CPB2: variants seen among roughly 807,000 people sequenced by gnomAD.
CPB2 encodes the protein carboxypeptidase B-like protein.
Under a neutral mutation model 57.0 loss-of-function variants are expected in CPB2, and 54 were observed. The observed-to-expected ratio is 0.95, with a 90% CI of 0.76 to 1.19. The LOEUF is 1.19. Among genes scored for constraint, CPB2 ranks in the 50% most tolerant of loss-of-function variants. The probability of loss-of-function intolerance (pLI) is 0.00; values close to 1 mark genes in which losing one functional copy is unlikely to be tolerated. For missense variants in CPB2, 426 were observed against 512.0 expected (o/e 0.83, Z 1.62); for synonymous variants, 189 against 178.1 (o/e 1.06, Z -0.49).
At position 46,053,689 on chromosome 13, in the gene CPB2, A is replaced by G. The variant is rs2044622771; in HGVS notation, c.1197T>C (p.Arg399=). The G allele has an allele frequency of 6.2e-7, 1 of 1,614,102 alleles. No individual in the cohort carries two copies. Among genetic ancestry groups the G allele is most frequent in the Non-Finnish European group, 8.5e-7 (1 of 1,180,048 alleles). The change falls in exon 11 of 11, where the codon CGT becomes CGC. Residue 399 remains arginine, a synonymous_variant. Transcript: ENST00000181383. ...CTTCTCTACAGGTGGGTTTGATGTA[A>G]CGCTCCGGCAGCAAGAATCCGTATG... ...TGTYGFLLPE[R]YIKPTCREAF...
chr13:46,094,606 C>T (rs2045339908), intron 1 of CPB2, among the ~76,000 whole-genome samples: 1 of 152,114 alleles, frequency 6.6e-6, no homozygotes, highest in African/African-American at 2.4e-5. Flanking sequence ...AGGGCTTAAC[C>T]ACCAGTAACA....
chr13:46,100,350 A>G (rs2045418799), intron 1 of CPB2: 1 of 152,198 alleles, frequency 6.6e-6, no homozygotes, highest in African/African-American at 2.4e-5. Context: ...AACACAACAG[A>G]GTTAGGTAAT....
chr13:46,085,909 G>T (rs973399820), intron 2 of CPB2, among the ~76,000 whole-genome samples: 1 of 152,118 alleles, frequency 6.6e-6, no homozygotes, highest in Non-Finnish European at 1.5e-5. Context: ...CTACTGGCTT[G>T]GGTCTCATTC....
At chr13:46,101,771 A>G (rs1311797069) in intron 1 of CPB2, among the ~76,000 whole-genome samples, 2 of 152,186 alleles carry the variant, frequency 1.3e-5, no homozygotes, top group African/African-American at 4.8e-5. Context: ...TGCATGGGTG[A>G]TAAGTAGCAG....
chr13:46,061,809 G>A (rs1305433468), intron 8 of CPB2, among the ~76,000 whole-genome samples: 1 of 152,090 alleles, frequency 6.6e-6, no homozygotes, highest in Non-Finnish European at 1.5e-5. Context: ...TTAATACAGA[G>A]GAGCATAAAA....
chr13:46,091,739 T>G (rs1432578440), intron 1 of CPB2, among the ~76,000 whole-genome samples: 1 of 152,246 alleles, frequency 6.6e-6, no homozygotes, highest in Non-Finnish European at 1.5e-5. Flanking sequence ...TTCTTGGTGA[T>G]TCTTACACAG....
chr13:46,087,697 G>T, intron 2 of CPB2, 48 bp downstream of exon 2: 1 of 1,290,808 alleles, frequency 7.7e-7, no homozygotes. Flanking sequence ...AACACCCAGT[G>T]CTTATACAAA....
At chr13:46,068,967 C>G (rs2044897541) in intron 6 of CPB2, among the ~76,000 whole-genome samples, 1 of 152,112 alleles carries the variant, frequency 6.6e-6, no homozygotes, top group Admixed American at 6.5e-5. Context: ...ATTAGGAGAG[C>G]CTGTTCCTTT....
chr13:46,079,836 TA>T (rs2045084639), intron 4 of CPB2, among the ~76,000 whole-genome samples: 1 of 152,158 alleles, frequency 6.6e-6, no homozygotes, highest in African/African-American at 2.4e-5. Context: ...TGAGATCACA[TA>T]ACCAGCATGA....
intron 8 of CPB2, among the ~76,000 whole-genome samples, chr13:46,061,754 A>G (rs928528231): frequency 2.0e-5 from 3 of 152,128 alleles, no homozygotes; most frequent in Admixed American, 6.5e-5. Context: ...ACACCCCTAC[A>G]ACCTACCCTC....
At chr13:46,103,312 A>G (rs2045459679) in intron 1 of CPB2, among the ~76,000 whole-genome samples, 1 of 152,248 alleles carries the variant, frequency 6.6e-6, no homozygotes, top group Non-Finnish European at 1.5e-5. Flanking sequence ...GGTGAGAACC[A>G]TGAGACTGAA....
chr13:46,078,953 C>G (rs1436861373), intron 4 of CPB2, 52 bp from the exon 5 acceptor site: 1 of 1,161,284 alleles, frequency 8.6e-7, no homozygotes, highest in Non-Finnish European at 1.3e-6. Flanking sequence ...CAAAGCATTT[C>G]CCTGACCAAA....
chr13:46,053,513 C>T lies in CPB2; in HGVS notation c.*101G>A, dbSNP rs1280087249. ...ACCAAGGAATAGGAAAATCTTTTAT[C>T]AAAACTACGGATAAAACTTAAAAAT... is the stretch of plus-strand genomic sequence containing the variant. On this transcript the variant is annotated 3_prime_UTR_variant, in exon 11 of 11. Transcript: ENST00000181383. 1.3e-6 allele frequency: 2 copies of T among 1,501,892 alleles called. No individual in the cohort carries two copies. The highest frequency in any genetic ancestry group is 1.8e-6 in the Non-Finnish European group (2 of 1,122,338). 93.0% of individuals were successfully genotyped at this position (1,501,892 alleles called of 1,614,324 possible).
chr13:46,084,512 G>GT (rs1197813941), intron 2 of CPB2, among the ~76,000 whole-genome samples, 169 bp from the exon 3 acceptor site: 5 of 151,976 alleles, frequency 3.3e-5, no homozygotes, highest in South Asian at 2.1e-4. Context: ...TTTGCAGTGA[G>GT]TTTTTTAAAA....
intron 2 of CPB2, among the ~76,000 whole-genome samples, chr13:46,086,395 G>A (rs1211371589): frequency 2.6e-5 from 4 of 152,158 alleles, no homozygotes; most frequent in South Asian, 2.1e-4. Context: ...GAGGAGACTC[G>A]CGGTGGGTAG....
chr13:46,073,994 CA>C lies in CPB2; in HGVS notation c.487-18del. On this transcript the variant is annotated intron_variant, in intron 5 of 10. Coordinates refer to ENST00000181383, the MANE Select transcript of CPB2 (RefSeq NM_001872.5). Reference sequence around the variant, plus strand: ...TCCAGAAACCTGCTCAAAGAAACCCCAAAAGTAGCAAAAACAGTAACAATAA... The same window carrying C: ...TCCAGAAACCTGCTCAAAGAAACCCCAAAGTAGCAAAAACAGTAACAATAA... The C allele has an allele frequency of 6.9e-7, 1 of 1,453,864 alleles. No individual in the cohort carries two copies. The highest frequency in any genetic ancestry group is 9.6e-7 in the Non-Finnish European group (1 of 1,043,546). The allele number at this position is 1,453,864 out of a possible 1,614,324, so 90.1% of individuals were successfully genotyped here.
chr13:46,086,501 A>T (rs1031491125), intron 2 of CPB2, among the ~76,000 whole-genome samples: 2 of 152,070 alleles, frequency 1.3e-5, no homozygotes, highest in Admixed American at 6.5e-5. Flanking sequence ...GGTCCTCCCC[A>T]TGTCTCTCCA....
intron 1 of CPB2, chr13:46,094,764 T>C (rs889032621): frequency 6.6e-6 from 1 of 152,062 alleles, no homozygotes; most frequent in African/African-American, 2.4e-5. Flanking sequence ...TGCTCAATCT[T>C]TACAATAAAA....
Position 46,055,857 on chromosome 13 carries a change from C to T in CPB2, c.1000-8G>A, listed in dbSNP as rs375055120. Reference sequence around the variant, plus strand: ...TTCACTGGCTACTAGAGACTGGAAGCAACAAGATATAGAATTTCAGTTAAT... The same window carrying T: ...TTCACTGGCTACTAGAGACTGGAAGTAACAAGATATAGAATTTCAGTTAAT... On this transcript the variant is annotated splice_polypyrimidine_tract_variant and splice_region_variant and intron_variant, in intron 9 of 10. Transcript: ENST00000181383. The T allele has an allele frequency of 3.7e-5, 56 of 1,524,392 alleles. No individual in the cohort carries two copies. Among genetic ancestry groups the T allele is most frequent in the Non-Finnish European group, 4.7e-5 (52 of 1,111,952 alleles). 94.4% of individuals were successfully genotyped at this position (1,524,392 alleles called of 1,614,324 possible). A position where few individuals can be genotyped will look rare whatever the true frequency, so the allele number is the denominator to read the frequency against.
Sources: gnomAD v4.1 joint callset for allele counts (sites outside exome capture counted in the v4.1 genomes callset) on GRCh38, gnomAD v4.1.1 for gene constraint, MANE v1.5 for transcripts, NCBI Gene and HGNC (gene_info 2026-07-23, HGNC 2026-07-21) for gene names.